ASPRV1: variants seen among roughly 807,000 people sequenced by gnomAD.
ASPRV1 encodes the protein retroviral-like aspartic protease 1.
ASPRV1 carries 7 observed loss-of-function variants against 11.0 expected under a neutral mutation model. The ratio of observed to expected loss-of-function variants is 0.64; its 90% CI spans 0.36 to 1.20. The LOEUF (loss-of-function observed/expected upper bound fraction) is 1.20, where lower values mean the gene tolerates loss of function less well. Among genes scored for constraint, ASPRV1 ranks in the 50% most tolerant of loss-of-function variants. ASPRV1 has a pLI of 0.02. For missense variants in ASPRV1, 299 were observed against 320.0 expected, an observed-to-expected ratio of 0.93 and a Z score of 0.50; for synonymous variants, 136 against 138.4, an observed-to-expected ratio of 0.98 and a Z score of 0.12.
At chr2:69,980,136 C>T in the ASPRV1 span, among the ~76,000 whole-genome samples, 4 of 152,336 alleles carry the variant, frequency 2.6e-5, no homozygotes, top group Middle Eastern at 6.8e-3. Context: ...TCCCCCATGG[C>T]CCCTTCAGTG....
upstream of ASPRV1, among the ~76,000 whole-genome samples, chr2:69,963,739 C>T (rs1678224407): frequency 1.3e-5 from 2 of 152,302 alleles, no homozygotes; most frequent in South Asian, 2.1e-4. Flanking sequence ...ACATCACCTC[C>T]ATGAGGAGTA....
chr2:70,077,809 G>A, the ASPRV1 span, among the ~76,000 whole-genome samples: 5 of 151,642 alleles, frequency 3.3e-5, no homozygotes, highest in African/African-American at 1.2e-4. Context: ...GAGCTGAGAC[G>A]ACGCCATTGC....
At chr2:70,082,819 G>C in the ASPRV1 span, among the ~76,000 whole-genome samples, 9 of 152,176 alleles carry the variant, frequency 5.9e-5, no homozygotes, top group Admixed American at 5.2e-4. Context: ...GCTTGAGCCT[G>C]GGGGATAGAG....
the ASPRV1 span, chr2:69,938,017 G>C: frequency 7.2e-7 from 1 of 1,395,530 alleles, no homozygotes; most frequent in South Asian, 1.3e-5. Context: ...AAAGTGCTGG[G>C]ATTACAAGCA....
chr2:70,014,985 T>A, the ASPRV1 span, among the ~76,000 whole-genome samples: 1 of 152,064 alleles, frequency 6.6e-6, no homozygotes, highest in Admixed American at 6.6e-5. Flanking sequence ...CTTTGAATAG[T>A]CTCCAAAGAA....
At chr2:70,066,243 A>AT in the ASPRV1 span, among the ~76,000 whole-genome samples, 145 of 146,080 alleles carry the variant, frequency 9.9e-4, 1 homozygote, top group African/African-American at 2.0e-3. Context: ...CACTAACATC[A>AT]TTTTTTTTTT....
chr2:69,948,083 C>A, the ASPRV1 span, among the ~76,000 whole-genome samples: 43 of 137,956 alleles, frequency 3.1e-4, no homozygotes, highest in Admixed American at 4.3e-4. Flanking sequence ...CCCCGTCTCT[C>A]AAAAAAAAAA....
the ASPRV1 span, among the ~76,000 whole-genome samples, chr2:70,011,180 T>G: frequency 6.6e-6 from 1 of 152,004 alleles, no homozygotes; most frequent in Non-Finnish European, 1.5e-5. Context: ...GCTTAGTACC[T>G]GAGTGATGAA....
the ASPRV1 span, among the ~76,000 whole-genome samples, chr2:69,972,174 G>T: frequency 6.6e-6 from 1 of 151,412 alleles, no homozygotes; most frequent in Non-Finnish European, 1.5e-5. Flanking sequence ...AGATTCTCCT[G>T]CCTCAGCCTC....
chr2:70,004,388 G>C, the ASPRV1 span, among the ~76,000 whole-genome samples: 1 of 152,060 alleles, frequency 6.6e-6, no homozygotes, highest in Non-Finnish European at 1.5e-5. Context: ...AAATTAGCCA[G>C]GTGCCGTGGC....
the ASPRV1 span, among the ~76,000 whole-genome samples, chr2:69,944,909 C>T: frequency 3.9e-5 from 6 of 152,074 alleles, no homozygotes; most frequent in Non-Finnish European, 7.4e-5. Flanking sequence ...TGGCGAACCC[C>T]GTGACATCAC....
At chr2:70,065,841 A>AAAAAG in the ASPRV1 span, among the ~76,000 whole-genome samples, 2 of 139,352 alleles carry the variant, frequency 1.4e-5, no homozygotes, top group African/African-American at 2.8e-5. Flanking sequence ...AAAAAAAAAA[A>AAAAAG]AAAGAAAGAA....
At chr2:70,076,656 T>C in the ASPRV1 span, among the ~76,000 whole-genome samples, 12 of 152,226 alleles carry the variant, frequency 7.9e-5, no homozygotes, top group Admixed American at 7.9e-4. Context: ...CAGCCTAGAC[T>C]ATCTTAAATA....
At chr2:69,986,971 G>C in the ASPRV1 span, among the ~76,000 whole-genome samples, 4 of 152,214 alleles carry the variant, frequency 2.6e-5, no homozygotes, top group African/African-American at 9.6e-5. Flanking sequence ...GGGCCTGGCA[G>C]AGAGGGGGCT....
the ASPRV1 span, among the ~76,000 whole-genome samples, chr2:69,953,672 G>A: frequency 2.6e-5 from 4 of 152,006 alleles, no homozygotes; most frequent in African/African-American, 9.7e-5. Context: ...GGCTGAATGG[G>A]GACTCAGAGT....
At chr2:70,006,537 G>A in the ASPRV1 span, among the ~76,000 whole-genome samples, 1 of 152,138 alleles carries the variant, frequency 6.6e-6, no homozygotes, top group Non-Finnish European at 1.5e-5. Context: ...CAGTGGCCTT[G>A]GCCTCGGTTA....
the ASPRV1 span, among the ~76,000 whole-genome samples, chr2:69,973,386 G>A: frequency 6.7e-6 from 1 of 148,654 alleles, no homozygotes; most frequent in South Asian, 2.1e-4. Context: ...TTCACTTGTT[G>A]TTTTTTTTTT....
At chr2:70,004,528 CAAAA>C in the ASPRV1 span, among the ~76,000 whole-genome samples, 30 of 54,618 alleles carry the variant, frequency 5.5e-4, no homozygotes, top group Non-Finnish European at 7.9e-4. Flanking sequence ...AACTCCATCT[CAAAA>C]AAAAAAAAAA....
chr2:69,988,871 A>T, the ASPRV1 span: 1 of 455,618 alleles, frequency 2.2e-6, no homozygotes, highest in East Asian at 6.9e-5. Context: ...AGGAAGCAAG[A>T]GGTCACACAC....
Sources: allele counts gnomAD v4.1 joint callset (sites outside exome capture counted in the v4.1 genomes callset), GRCh38; gene constraint gnomAD v4.1.1; transcripts MANE v1.5; gene names NCBI Gene and HGNC (gene_info 2026-07-23, HGNC 2026-07-21).